The following DNAH5 variants were observed in gnomAD, a reference collection of about 807,000 sequenced individuals.
DNAH5 encodes dynein axonemal heavy chain 5.
In DNAH5, 372 loss-of-function variants were observed where a neutral mutation model predicts 518.2. The ratio of observed to expected loss-of-function variants is 0.72; its 90% CI spans 0.66 to 0.78. The LOEUF (loss-of-function observed/expected upper bound fraction) is 0.78, where lower values mean the gene tolerates loss of function less well. Among genes scored for constraint, DNAH5 ranks in the 30% least tolerant of loss-of-function variants. The pLI is 0.00. For synonymous variants in DNAH5, 2,039 were observed against 2,025.9 expected (o/e 1.01, Z -0.17); for missense variants, 5,523 against 5,687.0 (o/e 0.97, Z 0.93).
rs1269995144 is a variant in DNAH5, at chr5:13,919,253, G to A, written c.898C>T (p.Leu300Phe). 1 of 1,613,992 alleles carries A rather than the reference G, an allele frequency of 6.2e-7. No homozygotes were observed. Among genetic ancestry groups the A allele is most frequent in the African/African-American group, 1.3e-5 (1 of 74,902 alleles). Residue 300 changes from leucine (L) to phenylalanine (F), a missense_variant, in exon 7 of 79, where the codon CTT becomes TTT. Around this residue, in one of 3 missense-constraint regions of DNAH5, gnomAD observed 5,121 missense variants for 5,223.3 expected, o/e 0.98. Coordinates refer to ENST00000265104, the MANE Select transcript of DNAH5 (RefSeq NM_001369.3). ...TCCGGGCTTTTCAATTGTTCCAAAA[G>A]GTAGTTAAACTTGGAGAGTCTTTTT... ...WKKRLSKFNYLLEQLKSPDVK... is the reference protein window; with the variant it reads ...WKKRLSKFNYFLEQLKSPDVK...
chr5:13,921,945 AT>A (rs1267434303), intron 5 of DNAH5, among the ~76,000 whole-genome samples, 161 bp downstream of exon 5: 1 of 152,188 alleles, frequency 6.6e-6, no homozygotes, highest in Non-Finnish European at 1.5e-5. Flanking sequence ...TTTAAATCTA[AT>A]CACCACCACA....
At chr5:13,826,952 C>G (rs1224115937) in intron 38 of DNAH5, among the ~76,000 whole-genome samples, 1 of 152,150 alleles carries the variant, frequency 6.6e-6, no homozygotes, top group Admixed American at 6.5e-5. Flanking sequence ...TGTTGAATGG[C>G]TTTGAGCAAA....
intron 31 of DNAH5, 115 bp from the exon 32 acceptor site, chr5:13,845,108 T>C (rs1765792597): frequency 2.0e-6 from 2 of 976,158 alleles, no homozygotes; most frequent in South Asian, 3.0e-5. Context: ...GACAATCTGA[T>C]TTTCCTACGT....
rs1275693558 is a variant in DNAH5 at position 13,956,969 on chromosome 5, G to C, written c.13-25725C>G. Among the ~76,000 whole-genome samples, 3 of 152,150 alleles carry C rather than the reference G, an allele frequency of 2.0e-5. No homozygotes were observed. In the East Asian group the frequency reaches 5.8e-4, roughly 29 times the overall value. On this transcript the variant is annotated intron_variant, in intron 1 of 78. Coordinates refer to the DNAH5 transcript ENST00000681290. Reference sequence around the variant, plus strand: ...TCAAATTGGCAAAGTTCTACTATTAGTAATGGATCTACAGTCCATGAAAAC... The same window carrying C: ...TCAAATTGGCAAAGTTCTACTATTACTAATGGATCTACAGTCCATGAAAAC...
chr5:13,973,492 C>T (rs1326884150), intron 1 of DNAH5, among the ~76,000 whole-genome samples: 1 of 152,132 alleles, frequency 6.6e-6, no homozygotes, highest in African/African-American at 2.4e-5. Flanking sequence ...AGGGGATGGC[C>T]CTGCCAGCTG....
intron 1 of DNAH5, among the ~76,000 whole-genome samples, chr5:13,954,995 C>T (rs982551591): frequency 2.0e-5 from 3 of 152,194 alleles, no homozygotes; most frequent in Non-Finnish European, 4.4e-5. Context: ...ACACAATCAA[C>T]GCGAAGTCAA....
chr5:13,809,070 T>C lies in DNAH5; in HGVS notation c.7726A>G (p.Ile2576Val), dbSNP rs1250701693. ...NVDNVRTDFL[I>V]QTIAKQGKAV... ...TTGCCCTGTTTAGCAATGGTTTGAA[T>C]TAGAAAGTCAGTCCTCACATTGTCA... Residue 2576 changes from isoleucine to valine, a missense_variant, in exon 46 of 79, where the codon ATT becomes GTT. By Grantham distance (29) the Ile-to-Val change is conservative. Coordinates refer to ENST00000265104, the MANE Select transcript of DNAH5 (RefSeq NM_001369.3). The C allele has an allele frequency of 1.2e-6, 2 of 1,614,120 alleles. No homozygotes were observed. The highest frequency in any genetic ancestry group is 1.7e-6 in the Non-Finnish European group (2 of 1,180,054).
At chr5:13,968,455 G>A (rs1049495964) in intron 1 of DNAH5, among the ~76,000 whole-genome samples, 14 of 152,044 alleles carry the variant, frequency 9.2e-5, no homozygotes, top group South Asian at 4.2e-4. Flanking sequence ...TGGGTTTGTC[G>A]TAGATGGCTT....
intron 16 of DNAH5, among the ~76,000 whole-genome samples, chr5:13,893,929 A>C (rs1561522352): frequency 1.3e-5 from 2 of 151,810 alleles, no homozygotes; most frequent in Non-Finnish European, 2.9e-5. Flanking sequence ...AAAAAAAAAA[A>C]AAACCATTAC....
At chr5:13,759,143 T>C (rs561426123) in intron 60 of DNAH5, among the ~76,000 whole-genome samples, 160 bp from the exon 61 acceptor site, 6 of 152,384 alleles carry the variant, frequency 3.9e-5, no homozygotes, top group South Asian at 2.1e-4. Context: ...CAAATCTTAA[T>C]GTGAACTTGA....
intron 47 of DNAH5, 81 bp downstream of exon 47, chr5:13,807,510 T>C (rs923882821): frequency 4.8e-5 from 65 of 1,366,176 alleles, no homozygotes; most frequent in East Asian, 4.1e-4. Context: ...TGAGATTCAA[T>C]TGAAGCAGAA....
chr5:13,832,219 C>T (rs1763772101), intron 35 of DNAH5, among the ~76,000 whole-genome samples: 1 of 152,220 alleles, frequency 6.6e-6, no homozygotes, highest in African/African-American at 2.4e-5. Flanking sequence ...ACTCTGATCA[C>T]TCGGCTGCTG....
At chr5:13,781,423 G>GA (rs1399819855) in intron 52 of DNAH5, among the ~76,000 whole-genome samples, 4 of 152,096 alleles carry the variant, frequency 2.6e-5, no homozygotes, top group South Asian at 4.2e-4. Flanking sequence ...AAATTGAAGG[G>GA]AAGAAAAACC....
intron 75 of DNAH5, among the ~76,000 whole-genome samples, chr5:13,712,962 C>T (rs1320338370): frequency 6.6e-6 from 1 of 152,018 alleles, no homozygotes; most frequent in Non-Finnish European, 1.5e-5. Context: ...AATCCCACTA[C>T]TGGGTATCTA....
At chr5:13,810,032 T>C (rs767723490) in intron 45 of DNAH5, 27 bp downstream of exon 45, 10 of 1,548,160 alleles carry the variant, frequency 6.5e-6, no homozygotes, top group Non-Finnish European at 8.7e-6. Context: ...CCCCATGGGT[T>C]CCGTCTGGAC....
chr5:13,911,877 G>GA (rs1292882540), intron 11 of DNAH5, among the ~76,000 whole-genome samples: 1 of 152,078 alleles, frequency 6.6e-6, no homozygotes, highest in Non-Finnish European at 1.5e-5. Context: ...AATCTTCTCA[G>GA]AAAATAAATA....
chr5:13,962,596 A>T (rs1198803636), intron 1 of DNAH5, among the ~76,000 whole-genome samples: 1 of 152,234 alleles, frequency 6.6e-6, no homozygotes, highest in Non-Finnish European at 1.5e-5. Context: ...CTCCAAATAC[A>T]GCAAAAGCAG....
At chr5:13,905,753 C>A (rs1306908202) in intron 12 of DNAH5, among the ~76,000 whole-genome samples, 1 of 152,078 alleles carries the variant, frequency 6.6e-6, no homozygotes, top group Non-Finnish European at 1.5e-5. Flanking sequence ...ACTATATGAT[C>A]CAGCAATCAT....
intron 1 of DNAH5, among the ~76,000 whole-genome samples, chr5:13,967,190 A>G (rs558499090): frequency 6.6e-6 from 1 of 152,276 alleles, no homozygotes; most frequent in East Asian, 1.9e-4. Flanking sequence ...ATTAAGTCCC[A>G]TTTATTTATC....
Sources: allele counts gnomAD v4.1 joint callset (sites outside exome capture counted in the v4.1 genomes callset), GRCh38; gene constraint gnomAD v4.1.1; regional missense constraint gnomAD v4.1.1; transcripts MANE v1.5; gene names NCBI Gene and HGNC (gene_info 2026-07-23, HGNC 2026-07-21).